Variants in SYT1 observed in about 807,000 individuals in gnomAD.
The protein encoded by SYT1 is synaptotagmin 1, also known as synaptotagmin-1.
Under a neutral mutation model 44.8 loss-of-function variants are expected in SYT1, and 8 were observed. That is an observed-to-expected ratio of 0.18 (90% CI 0.10 to 0.32). The LOEUF is 0.32. SYT1 is among the 10% of genes least tolerant of loss of function. SYT1 has a pLI of 1.00. For missense variants in SYT1, 286 were observed against 509.3 expected (o/e 0.56, Z 4.22); for synonymous variants, 154 against 188.8 (o/e 0.82, Z 1.51).
intron 4 of SYT1, among the ~76,000 whole-genome samples, chr12:79,225,355 A>T (rs964162912): frequency 4.6e-5 from 7 of 152,224 alleles, no homozygotes; most frequent in African/African-American, 1.7e-4. Context: ...CACTTAGCAC[A>T]GTTGTCAGTA....
chr12:79,008,831 C>T (rs1934286081), intron 2 of SYT1, among the ~76,000 whole-genome samples: 1 of 152,108 alleles, frequency 6.6e-6, no homozygotes, highest in African/African-American at 2.4e-5. Context: ...GTCTTTTCTC[C>T]ACACCGTGTC....
intron 4 of SYT1, among the ~76,000 whole-genome samples, chr12:79,231,698 A>C (rs1875879283): frequency 6.6e-6 from 1 of 152,190 alleles, no homozygotes; most frequent in Non-Finnish European, 1.5e-5. Flanking sequence ...ATAAAAAATT[A>C]ATTATTTAAT....
chr12:79,074,134 A>C (rs539797747), intron 3 of SYT1, among the ~76,000 whole-genome samples: 57 of 152,280 alleles, frequency 3.7e-4, no homozygotes, highest in African/African-American at 1.3e-3. Context: ...CTCTAATCAG[A>C]TCCTGTGGAT....
At chr12:79,406,177 C>A (rs1204169985) in intron 9 of SYT1, among the ~76,000 whole-genome samples, 2 of 152,030 alleles carry the variant, frequency 1.3e-5, no homozygotes, top group Admixed American at 1.3e-4. Flanking sequence ...GTTTGTAATA[C>A]CTTTCATGAA....
At chr12:79,150,081 T>C (rs543116334) in intron 3 of SYT1, among the ~76,000 whole-genome samples, 1 of 152,336 alleles carries the variant, frequency 6.6e-6, no homozygotes, top group Admixed American at 6.5e-5. Context: ...GTTTTGATAT[T>C]TGTATACAAC....
In SYT1 at chr12:78,945,889, A is replaced by G. The variant is rs558631575; in HGVS notation, c.-216-31910A>G. 2.4e-4 allele frequency among the ~76,000 whole-genome samples: 36 copies of G among 152,202 alleles called. No individual in the cohort carries two copies. The South Asian group carries it at 6.6e-3, about 28-fold the overall frequency. ...CCTTCTTGGTTTTACCACTTTTTCT[A>G]AGATTCTTTAGCCTTGTAGAAGAAG... On this transcript the variant is annotated intron_variant, in intron 1 of 10. Coordinates refer to ENST00000261205, the MANE Select transcript of SYT1 (RefSeq NM_005639.3).
intron 3 of SYT1, among the ~76,000 whole-genome samples, chr12:79,119,055 C>T (rs745369285): frequency 2.0e-5 from 3 of 152,108 alleles, no homozygotes; most frequent in Non-Finnish European, 4.4e-5. Flanking sequence ...AAGGGCTGGT[C>T]GTTTTCTTCT....
chr12:79,284,134 C>G (rs1879187595), intron 4 of SYT1, among the ~76,000 whole-genome samples: 1 of 151,708 alleles, frequency 6.6e-6, no homozygotes, highest in Admixed American at 6.6e-5. Flanking sequence ...CTAATTACTT[C>G]TGATTAATCT....
intron 8 of SYT1, among the ~76,000 whole-genome samples, chr12:79,335,043 A>C (rs1220383320): frequency 6.6e-6 from 1 of 152,284 alleles, no homozygotes; most frequent in East Asian, 1.9e-4. Flanking sequence ...CCTACTGATG[A>C]GTATCAAAAC....
chr12:79,176,549 T>G (rs1871880981), intron 3 of SYT1, among the ~76,000 whole-genome samples: 1 of 152,070 alleles, frequency 6.6e-6, no homozygotes, highest in Non-Finnish European at 1.5e-5. Context: ...GTAATTCTTT[T>G]AACTAAACAC....
chr12:78,977,820 G>T lies in SYT1; in HGVS notation c.-195G>T, dbSNP rs1592626013. The T allele has an allele frequency of 6.6e-6, 1 of 152,348 alleles. No homozygotes were observed. Among genetic ancestry groups the T allele is most frequent in the East Asian group, 1.9e-4 (1 of 5,178 alleles). The allele number at this position is 152,348 out of a possible 1,614,324, so 9.4% of individuals were successfully genotyped here. A position where few individuals can be genotyped will look rare whatever the true frequency, so the allele number is the denominator to read the frequency against. ...CAAGGGAAAACGGGAAAACTAGCAA[G>T]AGCTAGCAAGAACTAGCAAGAGCTT... On this transcript the variant is annotated 5_prime_UTR_variant, in exon 2 of 11. Transcript: ENST00000261205.
intron 4 of SYT1, among the ~76,000 whole-genome samples, chr12:79,267,851 C>A (rs2138755480): frequency 6.6e-6 from 1 of 152,292 alleles, no homozygotes; most frequent in South Asian, 2.1e-4. Context: ...TGCCTGAAGA[C>A]CCATCATTTT....
chr12:79,261,662 T>C (rs1264169644), intron 4 of SYT1, among the ~76,000 whole-genome samples: 1 of 152,204 alleles, frequency 6.6e-6, no homozygotes, highest in Non-Finnish European at 1.5e-5. Context: ...TATTTCTTAT[T>C]ATTTAAAATG....
chr12:79,308,582 GAAAAGAAAGAAGAAAGAAAGAAAGAAAGA>G (rs1166810614), intron 8 of SYT1, among the ~76,000 whole-genome samples: 9 of 130,686 alleles, frequency 6.9e-5, no homozygotes, highest in African/African-American at 2.4e-4. Flanking sequence ...AGAAAAGAAG[GAAAAGAAAGAAGAAAGAAAGAAAGAAAGA>G]AAAAGAAAGA....
At chr12:79,019,767 TA>T (rs1872062392) in intron 2 of SYT1, among the ~76,000 whole-genome samples, 1 of 151,938 alleles carries the variant, frequency 6.6e-6, no homozygotes, top group African/African-American at 2.4e-5. Flanking sequence ...AAACCAGGAG[TA>T]AAATTTGTCA....
intron 8 of SYT1, among the ~76,000 whole-genome samples, chr12:79,301,986 C>T (rs1865666419): frequency 6.6e-6 from 1 of 152,020 alleles, no homozygotes; most frequent in Non-Finnish European, 1.5e-5. Flanking sequence ...AGTAAGATTC[C>T]ACTTGCATTT....
chr12:79,250,194 G>A (rs1334265251), intron 4 of SYT1, among the ~76,000 whole-genome samples: 1 of 152,108 alleles, frequency 6.6e-6, no homozygotes, highest in Non-Finnish European at 1.5e-5. Context: ...GGTGAAAGGA[G>A]GATTCAGGAC....
chr12:79,407,362 G>A (rs903166752), intron 9 of SYT1, among the ~76,000 whole-genome samples: 2 of 152,040 alleles, frequency 1.3e-5, no homozygotes, highest in Non-Finnish European at 1.5e-5. Flanking sequence ...CTACAAGTAT[G>A]GTAAAGGTCT....
At chr12:79,218,599 A>T (rs969165182) in intron 4 of SYT1, among the ~76,000 whole-genome samples, 1 of 152,178 alleles carries the variant, frequency 6.6e-6, no homozygotes, top group Admixed American at 6.5e-5. Flanking sequence ...ACTTTTTTAG[A>T]TTTCACATAT....
Sources: gnomAD v4.1 joint callset for allele counts (sites outside exome capture counted in the v4.1 genomes callset) on GRCh38, gnomAD v4.1.1 for gene constraint, MANE v1.5 for transcripts, NCBI Gene and HGNC (gene_info 2026-07-23, HGNC 2026-07-21) for gene names.